MBD2: variants seen among roughly 807,000 people sequenced by gnomAD.
The protein encoded by MBD2 is methyl-CpG binding domain protein 2.
Under a neutral mutation model 39.3 loss-of-function variants are expected in MBD2, and 9 were observed. That is an observed-to-expected ratio of 0.23 (90% CI 0.14 to 0.40). The LOEUF (loss-of-function observed/expected upper bound fraction) is 0.40, where lower values mean the gene tolerates loss of function less well. Ranked by LOEUF, MBD2 falls within the 10% of genes least tolerant of loss-of-function variation. The probability of loss-of-function intolerance (pLI) is 1.00; values close to 1 mark genes in which losing one functional copy is unlikely to be tolerated. For synonymous variants in MBD2, 233 were observed against 211.1 expected (o/e 1.10, Z -0.90); for missense variants, 458 against 532.6 (o/e 0.86, Z 1.38).
chr18:54,193,341 C>T (rs2086337450), intron 2 of MBD2, among the ~76,000 whole-genome samples: 1 of 152,166 alleles, frequency 6.6e-6, no homozygotes, highest in Admixed American at 6.5e-5. Flanking sequence ...AGCAGAAATT[C>T]TTTGTTACAA....
chr18:54,212,223 A>T (rs971506334), intron 1 of MBD2, among the ~76,000 whole-genome samples: 11 of 152,138 alleles, frequency 7.2e-5, no homozygotes, highest in African/African-American at 2.7e-4. Context: ...ATAATGCATG[A>T]TGCTACCCCT....
At chr18:54,166,891 T>C (rs572574592) in intron 3 of MBD2, among the ~76,000 whole-genome samples, 1 of 152,268 alleles carries the variant, frequency 6.6e-6, no homozygotes, top group South Asian at 2.1e-4. Context: ...GCAATTATAG[T>C]TTTTATTTTA....
At chr18:54,201,390 A>G (rs1244936429) in intron 2 of MBD2, among the ~76,000 whole-genome samples, 1 of 152,192 alleles carries the variant, frequency 6.6e-6, no homozygotes, top group African/African-American at 2.4e-5. Flanking sequence ...CAGTCAAGAA[A>G]ATCAATAAGG....
chr18:54,200,106 A>C (rs1378216187), intron 2 of MBD2, among the ~76,000 whole-genome samples: 1 of 152,240 alleles, frequency 6.6e-6, no homozygotes, highest in African/African-American at 2.4e-5. Flanking sequence ...AAATAATGGC[A>C]GACTTAACAC....
chr18:54,193,386 T>C (rs557779847), intron 2 of MBD2, among the ~76,000 whole-genome samples: 1 of 152,328 alleles, frequency 6.6e-6, no homozygotes, highest in East Asian at 1.9e-4. Flanking sequence ...ATATCAGAAC[T>C]AAGTTTCCAA....
chr18:54,191,473 A>T (rs1395854755), intron 2 of MBD2, among the ~76,000 whole-genome samples: 1 of 152,240 alleles, frequency 6.6e-6, no homozygotes, highest in Non-Finnish European at 1.5e-5. Context: ...AGCTTCTCTT[A>T]AAAACTGAAA....
intron 1 of MBD2, chr18:54,222,419 C>G (rs763411596): frequency 2.0e-6 from 1 of 497,762 alleles, no homozygotes; most frequent in Admixed American, 2.2e-5. Context: ...CTCACAATAA[C>G]TTTCTTACCA....
chr18:54,166,185 C>G lies in MBD2; in HGVS notation c.841-19G>C. On this transcript the variant is annotated intron_variant, in intron 3 of 6. Coordinates refer to ENST00000256429, the MANE Select transcript of MBD2 (RefSeq NM_003927.5). ...AGAAAAGCTGTAAGGCAAAATATCACTGTTAATAGATACATTTTTGAAACA... is the reference window on the plus strand; with the variant it reads ...AGAAAAGCTGTAAGGCAAAATATCAGTGTTAATAGATACATTTTTGAAACA... 1 of 1,461,798 alleles carries G rather than the reference C, an allele frequency of 6.8e-7. No homozygotes were observed. The allele number at this position is 1,461,798 out of a possible 1,614,324, so 90.6% of individuals were successfully genotyped here.
At chr18:54,211,122 C>G (rs964397547) in intron 1 of MBD2, among the ~76,000 whole-genome samples, 1 of 151,894 alleles carries the variant, frequency 6.6e-6, no homozygotes, top group South Asian at 2.1e-4. Flanking sequence ...CCGCCCGCCT[C>G]GGCCTCCCAA....
intron 3 of MBD2, among the ~76,000 whole-genome samples, chr18:54,169,363 AT>A (rs760179119): frequency 6.6e-6 from 1 of 150,966 alleles, no homozygotes; most frequent in Non-Finnish European, 1.5e-5. Flanking sequence ...CTCTCACCAA[AT>A]TCCATGATCT....
intron 1 of MBD2, among the ~76,000 whole-genome samples, chr18:54,221,602 C>T (rs2086613594): frequency 6.6e-6 from 1 of 151,778 alleles, no homozygotes; most frequent in South Asian, 2.1e-4. Context: ...TGGTGAAACC[C>T]CATCTCTACT....
intron 6 of MBD2, among the ~76,000 whole-genome samples, chr18:54,156,096 C>T (rs951219122): frequency 1.3e-5 from 2 of 152,134 alleles, no homozygotes; most frequent in Admixed American, 1.3e-4. Flanking sequence ...AAGATGGCCA[C>T]ATCTCACCCT....
At chr18:54,183,267 G>A (rs1432830716) in intron 3 of MBD2, among the ~76,000 whole-genome samples, 4 of 152,172 alleles carry the variant, frequency 2.6e-5, no homozygotes, top group Non-Finnish European at 4.4e-5. Context: ...TGACACAAAC[G>A]ACTGAAGCTC....
chr18:54,220,635 TACCA>T (rs1390699952), intron 1 of MBD2, among the ~76,000 whole-genome samples: 1 of 152,240 alleles, frequency 6.6e-6, no homozygotes, highest in Non-Finnish European at 1.5e-5. Flanking sequence ...GTGTTCACAT[TACCA>T]ACAGGAGAAT....
intron 3 of MBD2, among the ~76,000 whole-genome samples, chr18:54,188,594 C>A (rs2144310260): frequency 6.6e-6 from 1 of 152,190 alleles, no homozygotes; most frequent in East Asian, 1.9e-4. Flanking sequence ...CTTTAAAAAA[C>A]TAAGATTAGC....
In MBD2 at chr18:54,152,422, ACCATTCTT is replaced by A. The variant is rs1417701288; in HGVS notation, c.*2894_*2901del. On this transcript the variant is annotated 3_prime_UTR_variant, in exon 7 of 7. Coordinates refer to ENST00000256429, the MANE Select transcript of MBD2 (RefSeq NM_003927.5). Reference sequence around the variant, plus strand: ...GGATCAGATCAAGAAGAGCCTTTTGACCATTCTTCCATTTATTCAGCAAACAGTTACTG... The same window carrying A: ...GGATCAGATCAAGAAGAGCCTTTTGACCATTTATTCAGCAAACAGTTACTG... The A allele has an allele frequency of 2.0e-5, 3 of 152,222 alleles. No individual in the cohort carries two copies. The highest frequency in any genetic ancestry group is 7.2e-5 in the African/African-American group (3 of 41,450). The allele number at this position is 152,222 out of a possible 1,614,324, so 9.4% of individuals were successfully genotyped here.
intron 3 of MBD2, among the ~76,000 whole-genome samples, chr18:54,177,310 C>A (rs1260619626): frequency 6.6e-6 from 1 of 152,138 alleles, no homozygotes; most frequent in Non-Finnish European, 1.5e-5. Flanking sequence ...GTTTATATAG[C>A]ACCTGTTAAT....
At chr18:54,222,317 C>G in intron 1 of MBD2, 1 of 512,526 alleles carries the variant, frequency 2.0e-6, no homozygotes, top group Non-Finnish European at 3.9e-6. Context: ...GCCACTGGCA[C>G]AGTCCCAGGG....
intron 3 of MBD2, among the ~76,000 whole-genome samples, chr18:54,170,664 G>A (rs1465483261): frequency 1.3e-5 from 2 of 152,152 alleles, no homozygotes; most frequent in African/African-American, 4.8e-5. Flanking sequence ...CTTGCACTGG[G>A]GATGCTTGGT....
Sources: gnomAD v4.1 joint callset for allele counts (sites outside exome capture counted in the v4.1 genomes callset) on GRCh38, gnomAD v4.1.1 for gene constraint, MANE v1.5 for transcripts, NCBI Gene and HGNC (gene_info 2026-07-23, HGNC 2026-07-21) for gene names.